Variants in RPS9 observed in about 807,000 individuals in gnomAD.
The protein encoded by RPS9 is ribosomal protein S9, also known as small ribosomal subunit protein uS4.
Under a neutral mutation model 16.9 loss-of-function variants are expected in RPS9, and 1 was observed. The observed-to-expected ratio is 0.06, with a 90% CI of 0.02 to 0.28. RPS9 has a LOEUF of 0.28. Among genes scored for constraint, RPS9 ranks in the 10% least tolerant of loss-of-function variants. The pLI, the probability that RPS9 is intolerant of heterozygous loss-of-function variation, is 1.00. For missense variants in RPS9, 137 were observed against 273.2 expected (o/e 0.50, Z 3.51); for synonymous variants, 106 against 110.9 (o/e 0.96, Z 0.28).
chr19:54,203,067 A>G (rs1333081706), intron 3 of RPS9: 4 of 985,116 alleles, frequency 4.1e-6, no homozygotes, highest in African/African-American at 1.7e-5. Context: ...TCCCTCCCCC[A>G]TAGATACTGA....
intron 3 of RPS9, chr19:54,202,350 T>A: frequency 1.2e-6 from 1 of 849,764 alleles, no homozygotes; most frequent in Non-Finnish European, 1.4e-6. Flanking sequence ...CAAGCCTGGC[T>A]AATTTTCTAT....
chr19:54,203,290 T>C, intron 3 of RPS9: 1 of 985,364 alleles, frequency 1.0e-6, no homozygotes, highest in Non-Finnish European at 1.2e-6. Context: ...GTACACTTTC[T>C]AGTAAATGAA....
rs4838 is a variant in RPS9 at position 54,207,461 on chromosome 19, C to G, written c.471C>G (p.Ile157Met). ...TCCGCCTGGATTCCCAGAAGCACAT[C>G]GACTTCTCTCTGCGCTCTCCCTACG... ...FIVRLDSQKH[I>M]DFSLRSPYGG... is the part of the protein sequence containing the mutation. The change falls in exon 5 of 5, where the codon ATC becomes ATG. Residue 157 changes from isoleucine to methionine, a missense_variant. Coordinates refer to ENST00000302907, the MANE Select transcript of RPS9 (RefSeq NM_001013.4). The G allele has an allele frequency of 6.2e-7, 1 of 1,613,688 alleles. No homozygotes were observed. The highest frequency in any genetic ancestry group is 1.1e-5 in the South Asian group (1 of 91,036).
chr19:54,203,725 C>CCGCGG lies in RPS9; in HGVS notation c.220+2118_220+2122dup, dbSNP rs562489126. Among the ~76,000 whole-genome samples the CCGCGG allele has an allele frequency of 2.9e-3, 446 of 152,128 alleles. 1 individual carries two copies. Among genetic ancestry groups the CCGCGG allele is most frequent in the African/African-American group, 9.7e-3 (403 of 41,508 alleles). ...GACAGAGACTGCAGTGAGCCGAGAT[C>CCGCGG]CGCGGCACTGCACTGGGTGACAGCG... On this transcript the variant is annotated intron_variant, in intron 3 of 4. Coordinates refer to ENST00000302907, the MANE Select transcript of RPS9 (RefSeq NM_001013.4).
At chr19:54,202,879 A>G (rs757636063) in intron 3 of RPS9, 5 of 985,132 alleles carry the variant, frequency 5.1e-6, no homozygotes, top group Non-Finnish European at 6.0e-6. Context: ...TTTTCTTTAA[A>G]TAGGCACAGG....
chr19:54,206,829 C>A, intron 4 of RPS9: 1 of 1,024,092 alleles, frequency 9.8e-7, no homozygotes. Context: ...GATTCCAGAC[C>A]CCGATCCATG....
intron 3 of RPS9, among the ~76,000 whole-genome samples, chr19:54,203,935 T>A (rs999126535): frequency 3.3e-5 from 5 of 152,244 alleles, no homozygotes; most frequent in African/African-American, 7.2e-5. Context: ...TTTTAAATTC[T>A]CTTGGTGCAT....
Position 54,202,686 on chromosome 19 carries a change from C to T in RPS9, c.220+1077C>T, listed in dbSNP as rs1349735843. ...ATGACCAAGATTGGCATTTGTATAT[C>T]CTGAGACGCTGCTTTTGCCTGAGTT... On this transcript the variant is annotated intron_variant, in intron 3 of 4. Transcript: ENST00000302907. 6 of 985,276 alleles carry T rather than the reference C, an allele frequency of 6.1e-6. No individual in the cohort carries two copies. In the East Asian group the frequency reaches 3.4e-4, roughly 56 times the overall value. 61.0% of individuals were successfully genotyped at this position (985,276 alleles called of 1,614,324 possible). A position where few individuals can be genotyped will look rare whatever the true frequency, so the allele number is the denominator to read the frequency against.
At chr19:54,203,438 A>G in intron 3 of RPS9, 1 of 374,018 alleles carries the variant, frequency 2.7e-6, no homozygotes, top group Non-Finnish European at 3.7e-6. Context: ...GTTAAGACTG[A>G]ACAGCCGCCA....
At chr19:54,202,924 C>T (rs1384638868) in intron 3 of RPS9, 10 of 977,094 alleles carry the variant, frequency 1.0e-5, no homozygotes, top group East Asian at 1.1e-4. Flanking sequence ...TTTCCAACTC[C>T]TAACCTCAAG....
rs1287818636 is a variant in RPS9, at chr19:54,206,269, T to C, written c.221-7T>C. 8 of 1,610,142 alleles carry C rather than the reference T, an allele frequency of 5.0e-6. 1 individual carries two copies. The highest frequency in any genetic ancestry group is 2.2e-5 in the South Asian group (2 of 91,060). The stretch of plus-strand genomic sequence containing the variant: ...GCGGAATCAGTGTTTCCTCCCACTC[T>C]TCCCAGGCAACGCCCTGCTGCGGCG... On this transcript the variant is annotated splice_polypyrimidine_tract_variant and splice_region_variant and intron_variant, in intron 3 of 4. Transcript: ENST00000302907.
intron 2 of RPS9, 98 bp from the exon 3 acceptor site, chr19:54,201,389 A>G (rs1039887048): frequency 1.2e-6 from 2 of 1,606,854 alleles, no homozygotes; most frequent in Non-Finnish European, 8.5e-7. Context: ...ATTTGGTACT[A>G]TTCGTGGTTT....
intron 4 of RPS9, 42 bp downstream of exon 4, chr19:54,206,504 C>T (rs749129418): frequency 4.3e-6 from 7 of 1,610,706 alleles, no homozygotes; most frequent in Middle Eastern, 1.6e-4. Context: ...TCCACCTGCC[C>T]CTCTGATGGT....
chr19:54,204,542 C>T (rs980456353), intron 3 of RPS9, among the ~76,000 whole-genome samples: 1 of 152,126 alleles, frequency 6.6e-6, no homozygotes, highest in Non-Finnish European at 1.5e-5. Context: ...GACCACAATC[C>T]ACCATGTACC....
intron 3 of RPS9, among the ~76,000 whole-genome samples, chr19:54,204,174 G>GT (rs1282076218): frequency 6.6e-6 from 1 of 151,930 alleles, no homozygotes; most frequent in Non-Finnish European, 1.5e-5. Context: ...GAGGTCGGGA[G>GT]TTTGAGACTA....
intron 4 of RPS9, 47 bp from the exon 5 acceptor site, chr19:54,207,351 A>G (rs1213881302): frequency 2.0e-6 from 3 of 1,514,612 alleles, no homozygotes; most frequent in Non-Finnish European, 2.7e-6. Context: ...AGCTGGGGTT[A>G]GCGTCCGTTT....
chr19:54,201,819 A>G (rs1229917462), intron 3 of RPS9: 7 of 1,068,914 alleles, frequency 6.5e-6, no homozygotes, highest in Non-Finnish European at 9.1e-6. Flanking sequence ...TTGCCCAGTT[A>G]TTGGACCTTC....
chr19:54,201,210 G>A lies in RPS9; in HGVS notation c.26G>A (p.Cys9Tyr). 2 of 1,610,180 alleles carry A rather than the reference G, an allele frequency of 1.2e-6. No homozygotes were observed. The highest frequency in any genetic ancestry group is 1.1e-5 in the South Asian group (1 of 91,028). The change falls in exon 2 of 5, where the codon TGT (cysteine) becomes TAT (tyrosine). Residue 9 changes from cysteine (C) to tyrosine (Y), a missense_variant. Coordinates refer to ENST00000302907, the MANE Select transcript of RPS9 (RefSeq NM_001013.4). MPVARSWVCRKTYVTPRRP... is the reference protein window; with the variant it reads MPVARSWVYRKTYVTPRRP... ...ATGCCAGTGGCCCGGAGCTGGGTTT[G>A]TCGCAAAACTTATGTGACCCCGCGG...
At chr19:54,203,417 G>T (rs2077129108) in intron 3 of RPS9, 1 of 598,248 alleles carries the variant, frequency 1.7e-6, no homozygotes, top group African/African-American at 2.0e-5. Context: ...GCGAGATTCT[G>T]AGTCTCGTCT....
Sources: gnomAD v4.1 joint callset for allele counts (sites outside exome capture counted in the v4.1 genomes callset) on GRCh38, gnomAD v4.1.1 for gene constraint, MANE v1.5 for transcripts, NCBI Gene and HGNC (gene_info 2026-07-23, HGNC 2026-07-21) for gene names.